HSPA4L: variants seen among roughly 807,000 people sequenced by gnomAD.
HSPA4L encodes heat shock protein family A (Hsp70) member 4 like.
HSPA4L carries 48 observed loss-of-function variants against 100.3 expected under a neutral mutation model. The ratio of observed to expected loss-of-function variants is 0.48; its 90% CI spans 0.38 to 0.61. The LOEUF (loss-of-function observed/expected upper bound fraction) is 0.61. HSPA4L is among the 20% of genes least tolerant of loss of function. The pLI is 0.00. For missense variants in HSPA4L, 886 were observed against 988.6 expected, an observed-to-expected ratio of 0.90 and a Z score of 1.39; for synonymous variants, 319 against 328.2, an observed-to-expected ratio of 0.97 and a Z score of 0.30.
intron 3 of HSPA4L, among the ~76,000 whole-genome samples, chr4:127,798,347 C>A (rs909146296): frequency 1.3e-5 from 2 of 152,116 alleles, no homozygotes; most frequent in Non-Finnish European, 2.9e-5. Flanking sequence ...GTAGAAACTA[C>A]ACTTTTGAAA....
chr4:127,801,841 A>G lies in HSPA4L; in HGVS notation c.586A>G (p.Arg196Gly). Residue 196 changes from arginine to glycine, a missense_variant, in exon 6 of 19, where the codon AGA (arginine) becomes GGA (glycine). Arg to Gly is a moderately radical substitution (Grantham distance 125). Transcript: ENST00000296464. ...QDLPPLDEKP[R>G]NVVFIDMGHS... ...TCTTCCCCCATTAGATGAGAAACCA[A>G]GAAATGTAGTATTTATTGATATGGG... 1.2e-6 allele frequency: 2 copies of G among 1,611,564 alleles called. No individual in the cohort carries two copies. The highest frequency in any genetic ancestry group is 2.2e-5 in the South Asian group (2 of 90,680).
In HSPA4L at chr4:127,833,678, T is replaced by C. The variant is rs1325232404; in HGVS notation, c.*804T>C. ...GAAATGCTGTTTATCTACTCAGACA[T>C]GCATCTGTGATGTTCATAGCCTTGT... On this transcript the variant is annotated 3_prime_UTR_variant, in exon 19 of 19. Coordinates refer to ENST00000296464, the MANE Select transcript of HSPA4L (RefSeq NM_014278.4). 6.6e-6 allele frequency: 1 copy of C among 152,204 alleles called. No individual in the cohort carries two copies. 9.4% of individuals were successfully genotyped at this position (152,204 alleles called of 1,614,324 possible).
intron 6 of HSPA4L, 101 bp from the exon 7 acceptor site, chr4:127,803,528 G>A (rs767431268): frequency 1.3e-4 from 159 of 1,215,792 alleles, no homozygotes; most frequent in African/African-American, 9.6e-4. Flanking sequence ...TTTTTTTAGC[G>A]TCATTTTTAT....
chr4:127,826,361 C>T (rs901278999), intron 16 of HSPA4L, among the ~76,000 whole-genome samples: 21 of 152,004 alleles, frequency 1.4e-4, no homozygotes, highest in African/African-American at 4.6e-4. Context: ...GTCGCCATTG[C>T]ACTCCAGCCT....
intron 16 of HSPA4L, among the ~76,000 whole-genome samples, chr4:127,824,941 C>A (rs1209886428): frequency 2.0e-5 from 3 of 151,998 alleles, no homozygotes; most frequent in Non-Finnish European, 4.4e-5. Flanking sequence ...TTGAGACCAT[C>A]CTGGCTAACA....
At chr4:127,811,357 A>G in intron 11 of HSPA4L, 80 bp from the exon 12 acceptor site, 1 of 1,078,998 alleles carries the variant, frequency 9.3e-7, no homozygotes, top group South Asian at 1.4e-5. Context: ...AACATCTTAA[A>G]GATGATAGCC....
chr4:127,813,679 G>T (rs527989269), intron 12 of HSPA4L, among the ~76,000 whole-genome samples: 5 of 152,160 alleles, frequency 3.3e-5, no homozygotes, highest in Non-Finnish European at 7.3e-5. Flanking sequence ...GTCTCGCTCT[G>T]TTGCCCAGGC....
At chr4:127,794,596 T>G (rs1732969493) in intron 2 of HSPA4L, among the ~76,000 whole-genome samples, 1 of 152,122 alleles carries the variant, frequency 6.6e-6, no homozygotes, top group South Asian at 2.1e-4. Flanking sequence ...TTGAAATCTT[T>G]ATGATTAGAA....
intron 1 of HSPA4L, among the ~76,000 whole-genome samples, chr4:127,786,545 A>G (rs186833058): frequency 3.9e-4 from 60 of 152,336 alleles, no homozygotes; most frequent in South Asian, 1.2e-3. Context: ...AGCTCACTGC[A>G]GCCTTGAGTT....
At chr4:127,798,183 A>C (rs557594078) in intron 3 of HSPA4L, among the ~76,000 whole-genome samples, 2 of 152,250 alleles carry the variant, frequency 1.3e-5, no homozygotes, top group East Asian at 3.9e-4. Flanking sequence ...CCTTTTCCAA[A>C]ACTGTATGAC....
chr4:127,787,722 T>C (rs577486970), intron 1 of HSPA4L, among the ~76,000 whole-genome samples: 19 of 152,168 alleles, frequency 1.2e-4, no homozygotes, highest in Non-Finnish European at 2.2e-4. Flanking sequence ...TTCAAGTTAA[T>C]ATTTTGCTAG....
At chr4:127,802,649 T>G (rs1733222642) in intron 6 of HSPA4L, among the ~76,000 whole-genome samples, 1 of 152,190 alleles carries the variant, frequency 6.6e-6, no homozygotes. Flanking sequence ...AACTTTGTAG[T>G]GAAATACGAT....
chr4:127,783,803 TA>T, intron 1 of HSPA4L: 1 of 818,898 alleles, frequency 1.2e-6, no homozygotes, highest in Non-Finnish European at 1.9e-6. Flanking sequence ...TGGAAAGCTT[TA>T]AAATATGGCA....
At chr4:127,809,271 A>T in intron 11 of HSPA4L, 1 of 1,395,314 alleles carries the variant, frequency 7.2e-7, no homozygotes, top group Non-Finnish European at 1.0e-6. Context: ...CCAGTCTTCA[A>T]CAAATCATCC....
intron 3 of HSPA4L, among the ~76,000 whole-genome samples, chr4:127,797,419 A>G (rs1733051487): frequency 6.6e-6 from 1 of 152,142 alleles, no homozygotes; most frequent in Non-Finnish European, 1.5e-5. Context: ...AAAGAAAGGC[A>G]GAACCAAAGT....
At chr4:127,825,940 A>G (rs934431601) in intron 16 of HSPA4L, among the ~76,000 whole-genome samples, 22 of 151,802 alleles carry the variant, frequency 1.4e-4, no homozygotes, top group African/African-American at 5.1e-4. Context: ...AAAAAAAAAA[A>G]AAAAGAAAAA....
chr4:127,808,962 G>A (rs1733444103), intron 11 of HSPA4L, among the ~76,000 whole-genome samples: 1 of 145,322 alleles, frequency 6.9e-6, no homozygotes, highest in African/African-American at 2.5e-5. Context: ...AAAGGTTTGT[G>A]TGATAATTAT....
intron 18 of HSPA4L, among the ~76,000 whole-genome samples, 173 bp from the exon 19 acceptor site, chr4:127,832,506 TAACA>T (rs557954803): frequency 4.6e-5 from 7 of 152,184 alleles, no homozygotes; most frequent in East Asian, 1.9e-4. Context: ...AGACATATAC[TAACA>T]AACAAGGTAA....
upstream of HSPA4L, chr4:127,782,077 T>C (rs893257282): frequency 2.2e-6 from 1 of 455,278 alleles, no homozygotes; most frequent in African/African-American, 2.0e-5. Flanking sequence ...TAGCCTCCTT[T>C]CCCCGATCCT....
Sources: gnomAD v4.1 joint callset for allele counts (sites outside exome capture counted in the v4.1 genomes callset) on GRCh38, gnomAD v4.1.1 for gene constraint, MANE v1.5 for transcripts, NCBI Gene and HGNC (gene_info 2026-07-23, HGNC 2026-07-21) for gene names.